CCDC91: variants seen among roughly 807,000 people sequenced by gnomAD.
CCDC91 encodes coiled-coil domain containing 91, also known as coiled-coil domain-containing protein 91.
CCDC91 carries 48 observed loss-of-function variants against 63.2 expected under a neutral mutation model. That is an observed-to-expected ratio of 0.76 (90% CI 0.60 to 0.97). The LOEUF is 0.97. CCDC91 is among the 50% of genes least tolerant of loss of function. CCDC91 has a pLI of 0.00. For missense variants in CCDC91, 500 were observed against 494.6 expected, an observed-to-expected ratio of 1.01 and a Z score of -0.10; for synonymous variants, 167 against 165.8, an observed-to-expected ratio of 1.01 and a Z score of -0.06.
At chr12:28,420,901 T>G (rs1188930884) in intron 8 of CCDC91, among the ~76,000 whole-genome samples, 1 of 152,136 alleles carries the variant, frequency 6.6e-6, no homozygotes, top group African/African-American at 2.4e-5. Flanking sequence ...AACTTTTTAC[T>G]GGTGGCTTTC....
At chr12:28,486,056 G>T (rs1951708761) in intron 12 of CCDC91, among the ~76,000 whole-genome samples, 1 of 152,098 alleles carries the variant, frequency 6.6e-6, no homozygotes, top group Non-Finnish European at 1.5e-5. Context: ...GACTATAGAT[G>T]TAGAATGTTG....
intron 12 of CCDC91, among the ~76,000 whole-genome samples, chr12:28,490,810 T>G (rs764330452): frequency 2.6e-4 from 40 of 151,872 alleles, no homozygotes; most frequent in Non-Finnish European, 5.4e-4. Context: ...TTTATCAGTC[T>G]TCTTGATGGT....
chr12:28,421,638 G>C (rs190731675), intron 8 of CCDC91, among the ~76,000 whole-genome samples: 51 of 151,708 alleles, frequency 3.4e-4, no homozygotes, highest in Non-Finnish European at 5.6e-4. Flanking sequence ...GATGAATCCA[G>C]TTTGTCATTG....
intron 3 of CCDC91, among the ~76,000 whole-genome samples, chr12:28,263,129 A>G (rs1294974465): frequency 1.3e-5 from 2 of 152,038 alleles, no homozygotes; most frequent in Non-Finnish European, 2.9e-5. Context: ...GTATGGAGCT[A>G]TCACTGAATT....
chr12:28,307,529 C>A, intron 5 of CCDC91, 116 bp from the exon 6 acceptor site: 2 of 571,006 alleles, frequency 3.5e-6, no homozygotes, highest in Non-Finnish European at 6.1e-6. Context: ...GATTTTAAGC[C>A]GTACTTCCCA....
intron 7 of CCDC91, among the ~76,000 whole-genome samples, chr12:28,369,308 C>T (rs1944466010): frequency 6.6e-6 from 1 of 152,174 alleles, no homozygotes; most frequent in Non-Finnish European, 1.5e-5. Context: ...GCTACAGGCC[C>T]CATGTGAGTC....
intron 1 of CCDC91, among the ~76,000 whole-genome samples, chr12:28,222,798 G>T (rs1305199390): frequency 2.0e-5 from 3 of 151,990 alleles, no homozygotes; most frequent in Admixed American, 2.0e-4. Context: ...CCTTTTCGTT[G>T]TGTTGGAACT....
intron 1 of CCDC91, among the ~76,000 whole-genome samples, chr12:28,218,974 A>G (rs182879148): frequency 6.6e-6 from 1 of 152,248 alleles, no homozygotes; most frequent in African/African-American, 2.4e-5. Context: ...AGCTTGGAGT[A>G]GAATTCTTGG....
intron 1 of CCDC91, among the ~76,000 whole-genome samples, chr12:28,197,520 T>G (rs1941872894): frequency 6.6e-6 from 1 of 152,106 alleles, no homozygotes; most frequent in African/African-American, 2.4e-5. Flanking sequence ...AACATTTTTT[T>G]CCATTTCATA....
At chr12:28,320,641 A>AATTTG (rs1592299543) in intron 6 of CCDC91, among the ~76,000 whole-genome samples, 1 of 151,952 alleles carries the variant, frequency 6.6e-6, no homozygotes, top group East Asian at 1.9e-4. Context: ...TAAAATCAGT[A>AATTTG]CACTTTATTT....
chr12:28,389,623 A>G lies in CCDC91; in HGVS notation c.655-1681A>G, dbSNP rs554255911. Among the ~76,000 whole-genome samples the G allele has an allele frequency of 3.3e-5, 5 of 152,234 alleles. No homozygotes were observed. In the South Asian group the frequency reaches 1.0e-3, roughly 32 times the overall value. On this transcript the variant is annotated intron_variant, in intron 7 of 12. Coordinates refer to ENST00000536442, the MANE Select transcript of CCDC91 (RefSeq NM_018318.5). ...TTACCTGTCCTCCAAAGGATATAATATACTAAAAATTGCAGTTGAATATTG... is the reference window on the plus strand; with the variant it reads ...TTACCTGTCCTCCAAAGGATATAATGTACTAAAAATTGCAGTTGAATATTG...
intron 8 of CCDC91, among the ~76,000 whole-genome samples, chr12:28,419,430 ATTAC>A (rs889951441): frequency 1.3e-5 from 2 of 152,330 alleles, no homozygotes; most frequent in South Asian, 2.1e-4. Flanking sequence ...AAATTCAATC[ATTAC>A]TTATAAGAGT....
intron 3 of CCDC91, among the ~76,000 whole-genome samples, chr12:28,269,717 T>C (rs1202956155): frequency 6.6e-6 from 1 of 152,192 alleles, no homozygotes; most frequent in Non-Finnish European, 1.5e-5. Flanking sequence ...CAATAAAACA[T>C]GATTTGATTA....
intron 8 of CCDC91, among the ~76,000 whole-genome samples, chr12:28,417,167 G>A (rs547741276): frequency 6.6e-6 from 1 of 152,156 alleles, no homozygotes; most frequent in South Asian, 2.1e-4. Flanking sequence ...CATTCAAAAT[G>A]TGTGGTTATT....
chr12:28,360,391 T>G (rs758045207), intron 6 of CCDC91, among the ~76,000 whole-genome samples: 3 of 152,154 alleles, frequency 2.0e-5, no homozygotes, highest in Non-Finnish European at 2.9e-5. Context: ...CTCCTTCAAG[T>G]GACAGTGAGT....
chr12:28,419,159 A>C (rs564089150), intron 8 of CCDC91, among the ~76,000 whole-genome samples: 1 of 152,296 alleles, frequency 6.6e-6, no homozygotes, highest in African/African-American at 2.4e-5. Context: ...AAAAGCCTGC[A>C]ACCCAGTGTG....
At chr12:28,217,759 A>G (rs1157547683) in intron 1 of CCDC91, among the ~76,000 whole-genome samples, 2 of 151,320 alleles carry the variant, frequency 1.3e-5, no homozygotes, top group African/African-American at 4.9e-5. Context: ...AACTACCTGA[A>G]AAAAAAAATA....
At chr12:28,375,512 T>C (rs1944891500) in intron 7 of CCDC91, among the ~76,000 whole-genome samples, 1 of 151,866 alleles carries the variant, frequency 6.6e-6, no homozygotes, top group African/African-American at 2.4e-5. Context: ...TTGCTACAGA[T>C]TGATGAAAAG....
chr12:28,352,203 C>T (rs1943228296), intron 6 of CCDC91, among the ~76,000 whole-genome samples: 2 of 152,094 alleles, frequency 1.3e-5, no homozygotes, highest in South Asian at 2.1e-4. Flanking sequence ...AATCCTTTTG[C>T]TGGTGAAGGA....
Sources: allele counts gnomAD v4.1 joint callset (sites outside exome capture counted in the v4.1 genomes callset), GRCh38; gene constraint gnomAD v4.1.1; transcripts MANE v1.5; gene names NCBI Gene and HGNC (gene_info 2026-07-23, HGNC 2026-07-21).